SEMA3D: variants seen among roughly 807,000 people sequenced by gnomAD.
SEMA3D encodes semaphorin-3D.
Under a neutral mutation model 100.1 loss-of-function variants are expected in SEMA3D, and 84 were observed. The ratio of observed to expected loss-of-function variants is 0.84; its 90% confidence interval spans 0.70 to 1.01. The LOEUF is 1.01. SEMA3D is among the 50% of genes least tolerant of loss of function. The probability of loss-of-function intolerance (pLI) is 0.00; values close to 1 mark genes in which losing one functional copy is unlikely to be tolerated. For missense variants in SEMA3D, 875 were observed against 934.1 expected, an observed-to-expected ratio of 0.94 and a Z score of 0.82; for synonymous variants, 312 against 320.7, an observed-to-expected ratio of 0.97 and a Z score of 0.29.
chr7:85,142,437 T>C (rs1790079402), intron 2 of SEMA3D: 13 of 945,408 alleles, frequency 1.4e-5, no homozygotes, highest in Non-Finnish European at 1.6e-5. Context: ...GATGTCATAA[T>C]TTATTTATAA....
chr7:85,185,595 C>T (rs776151246), intron 1 of SEMA3D, among the ~76,000 whole-genome samples: 1 of 152,218 alleles, frequency 6.6e-6, no homozygotes, highest in Non-Finnish European at 1.5e-5. Context: ...GAATCCCGGA[C>T]ACCAGCGGCC....
chr7:85,169,733 T>C (rs530443374), intron 1 of SEMA3D, among the ~76,000 whole-genome samples: 124 of 151,864 alleles, frequency 8.2e-4, no homozygotes, highest in Non-Finnish European at 1.4e-3. Context: ...TACATACAAC[T>C]CAGGATTTTA....
the SEMA3D span, among the ~76,000 whole-genome samples, chr7:85,231,729 C>T: frequency 1.1e-4 from 17 of 152,064 alleles, no homozygotes; most frequent in Admixed American, 1.0e-3. Flanking sequence ...GGATTATAGG[C>T]GTGAGCCACT....
chr7:85,226,472 C>CT, the SEMA3D span, among the ~76,000 whole-genome samples: 1 of 152,206 alleles, frequency 6.6e-6, no homozygotes, highest in Admixed American at 6.5e-5. Flanking sequence ...GGTAAGCCCC[C>CT]TTTTTCACTT....
rs2116189634 is a variant in SEMA3D, at chr7:85,073,085, T to A, written c.376-4A>T. On this transcript the variant is annotated splice_polypyrimidine_tract_variant and splice_region_variant and intron_variant, in intron 5 of 18. Coordinates refer to ENST00000284136, the MANE Select transcript of SEMA3D (RefSeq NM_001384900.1). ...TGATGAAATTTGCACATTCTGTCTG[T>A]TGGGCACAAAAATTAAAAGCATTAA... The A allele has an allele frequency of 6.2e-7, 1 of 1,611,524 alleles. No individual in the cohort carries two copies. Among genetic ancestry groups the A allele is most frequent in the African/African-American group, 1.3e-5 (1 of 74,948 alleles).
chr7:85,080,090 C>A (rs1252462208), intron 5 of SEMA3D, among the ~76,000 whole-genome samples: 1 of 152,082 alleles, frequency 6.6e-6, no homozygotes, highest in African/African-American at 2.4e-5. Flanking sequence ...TATAAATATG[C>A]CTGAAAGGAT....
the SEMA3D span, among the ~76,000 whole-genome samples, chr7:85,232,278 G>C: frequency 6.6e-6 from 1 of 152,256 alleles, no homozygotes; most frequent in African/African-American, 2.4e-5. Context: ...TAATTGTTGT[G>C]GGGTGTGAGC....
At chr7:85,070,089 G>A (rs1460951355) in intron 6 of SEMA3D, among the ~76,000 whole-genome samples, 1 of 152,176 alleles carries the variant, frequency 6.6e-6, no homozygotes, top group Admixed American at 6.5e-5. Context: ...CAGAAGCATA[G>A]AAAGTTTATA....
chr7:85,223,558 GTA>G, the SEMA3D span, among the ~76,000 whole-genome samples: 1 of 151,558 alleles, frequency 6.6e-6, no homozygotes, highest in Non-Finnish European at 1.5e-5. Flanking sequence ...GTGTGTGTGT[GTA>G]TACACCATGG....
At chr7:85,080,832 A>G in intron 5 of SEMA3D, among the ~76,000 whole-genome samples, 1 of 152,190 alleles carries the variant, frequency 6.6e-6, no homozygotes, top group East Asian at 1.9e-4. Context: ...CAAGACAGAT[A>G]GGACCATACC....
the SEMA3D span, among the ~76,000 whole-genome samples, chr7:85,237,568 G>C: frequency 6.6e-6 from 1 of 152,102 alleles, no homozygotes; most frequent in Non-Finnish European, 1.5e-5. Flanking sequence ...ATTTCATTTA[G>C]TAAAAGGCAT....
At chr7:85,102,201 T>G (rs1788768289) in intron 3 of SEMA3D, among the ~76,000 whole-genome samples, 1 of 152,006 alleles carries the variant, frequency 6.6e-6, no homozygotes, top group African/African-American at 2.4e-5. Context: ...AGCACAGCCT[T>G]GAAAGACAGA....
Position 85,006,907 on chromosome 7 carries a change from A to G in SEMA3D, c.1803T>C (p.Ile601=). The change falls in exon 18 of 19, where the codon ATT becomes ATC. Residue 601 remains isoleucine, a synonymous_variant. Coordinates refer to ENST00000284136, the MANE Select transcript of SEMA3D (RefSeq NM_001384900.1). ...ISHETADEKV[I]FGIEFNSTFL... The stretch of plus-strand genomic sequence containing the variant: ...AGGTTGAGTTAAATTCAATGCCAAA[A>G]ATCACCTTTTCATCAGCAGTTTCAT... The G allele has an allele frequency of 6.2e-7, 1 of 1,610,734 alleles. No homozygotes were observed. The highest frequency in any genetic ancestry group is 1.3e-5 in the African/African-American group (1 of 74,796).
chr7:85,156,220 A>T (rs901107692), intron 1 of SEMA3D, among the ~76,000 whole-genome samples: 3 of 151,596 alleles, frequency 2.0e-5, no homozygotes, highest in African/African-American at 7.3e-5. Context: ...CTCTGGCCTC[A>T]GCCTCCTGAG....
chr7:85,099,662 T>C lies in SEMA3D; in HGVS notation c.152-1697A>G, dbSNP rs539233294. ...TTTCCACTAGCAATGAATCAGAATT[T>C]TTATTGCTCCCTATCTTCATTAGCA... On this transcript the variant is annotated intron_variant, in intron 3 of 18. Coordinates refer to ENST00000284136, the MANE Select transcript of SEMA3D (RefSeq NM_001384900.1). Among the ~76,000 whole-genome samples, 6 of 152,100 alleles carry C rather than the reference T, an allele frequency of 3.9e-5. No homozygotes were observed. The South Asian group carries it at 1.2e-3, about 31-fold the overall frequency.
At chr7:85,236,992 T>C in the SEMA3D span, among the ~76,000 whole-genome samples, 58,512 of 152,098 alleles carry the variant, frequency 0.38, 13,227 homozygotes, top group Non-Finnish European at 0.51. Context: ...CCCAGTTTCT[T>C]CAATAACTTT....
intron 4 of SEMA3D, among the ~76,000 whole-genome samples, chr7:85,095,855 C>A (rs958774950): frequency 3.3e-5 from 5 of 151,920 alleles, no homozygotes; most frequent in African/African-American, 1.2e-4. Context: ...TAAACATTTA[C>A]TTTTTAAAAT....
chr7:85,102,530 T>C (rs563569591), intron 3 of SEMA3D, among the ~76,000 whole-genome samples: 1 of 152,104 alleles, frequency 6.6e-6, no homozygotes, highest in South Asian at 2.1e-4. Flanking sequence ...ATCTAGATGA[T>C]TACAGCCTAT....
At chr7:85,184,736 G>A (rs1313834729) in intron 1 of SEMA3D, among the ~76,000 whole-genome samples, 2 of 152,028 alleles carry the variant, frequency 1.3e-5, no homozygotes, top group Admixed American at 6.6e-5. Context: ...CTCTTATCTC[G>A]TCCCACATCA....
Sources: gnomAD v4.1 joint callset for allele counts (sites outside exome capture counted in the v4.1 genomes callset) on GRCh38, gnomAD v4.1.1 for gene constraint, MANE v1.5 for transcripts, NCBI Gene and HGNC (gene_info 2026-07-23, HGNC 2026-07-21) for gene names.